RAPGEF1: variants seen among roughly 807,000 people sequenced by gnomAD.
RAPGEF1 encodes the protein CRK SH3-binding GNRP.
In RAPGEF1, 33 loss-of-function variants were observed where a neutral mutation model predicts 143.3. That is an observed-to-expected ratio of 0.23 (90% confidence interval 0.17 to 0.31). The LOEUF is 0.31. RAPGEF1 is among the 10% of genes least tolerant of loss of function. The pLI is 1.00. For missense variants in RAPGEF1, 1,199 were observed against 1,645.4 expected (o/e 0.73, Z 4.69); for synonymous variants, 629 against 676.5 (o/e 0.93, Z 1.09).
In RAPGEF1 at chr9:131,598,528, C is replaced by A. The variant is rs527975766; in HGVS notation, c.2502-218G>T. 5.8e-6 allele frequency: 4 copies of A among 686,156 alleles called. No individual in the cohort carries two copies. The East Asian group carries it at 8.4e-5, about 14-fold the overall frequency. The allele number at this position is 686,156 out of a possible 1,614,324, so 42.5% of individuals were successfully genotyped here. The stretch of plus-strand genomic sequence containing the variant: ...GCTGCCTCTGGATGTTCCATCTGTA[C>A]ACGGAAGTGATTCCGCTGGGAAAAT... On this transcript the variant is annotated intron_variant, in intron 15 of 26. Transcript: ENST00000683357.
In RAPGEF1 at chr9:131,688,893, G is replaced by A. The variant is rs746803875; in HGVS notation, c.62-37944C>T. 5.3e-5 allele frequency among the ~76,000 whole-genome samples: 8 copies of A among 152,154 alleles called. No individual in the cohort carries two copies. In the South Asian group the frequency reaches 8.3e-4, roughly 16 times the overall value. On this transcript the variant is annotated intron_variant, in intron 1 of 26. Transcript: ENST00000683357. ...AGCCTGGGCCATAGAACGAAACTTC[G>A]TCTCAAAATAAAAATAAAAAACAAG... is the stretch of plus-strand genomic sequence containing the variant.
At chr9:131,687,475 G>A (rs934384944) in intron 1 of RAPGEF1, among the ~76,000 whole-genome samples, 3 of 150,390 alleles carry the variant, frequency 2.0e-5, no homozygotes, top group South Asian at 2.1e-4. Context: ...GATTACAGGC[G>A]TGAGCCATCG....
At chr9:131,624,466 T>C (rs949896985) in intron 10 of RAPGEF1, among the ~76,000 whole-genome samples, 16 of 152,184 alleles carry the variant, frequency 1.1e-4, no homozygotes, top group African/African-American at 3.6e-4. Flanking sequence ...TGGCTACCCC[T>C]CCCTTTCCTT....
chr9:131,593,939 C>T (rs923307932), intron 17 of RAPGEF1, among the ~76,000 whole-genome samples: 4 of 152,232 alleles, frequency 2.6e-5, no homozygotes, highest in Non-Finnish European at 2.9e-5. Context: ...ATGACAACTT[C>T]GTGGGACTCG....
intron 1 of RAPGEF1, among the ~76,000 whole-genome samples, chr9:131,657,920 ACGC>A (rs1972944278): frequency 6.6e-6 from 1 of 152,208 alleles, no homozygotes; most frequent in Admixed American, 6.5e-5. Context: ...AAAGATTCTC[ACGC>A]TCTTGTTTTT....
At chr9:131,708,884 C>G (rs1341414643) in intron 1 of RAPGEF1, among the ~76,000 whole-genome samples, 4 of 152,118 alleles carry the variant, frequency 2.6e-5, no homozygotes, top group African/African-American at 7.2e-5. Context: ...AGGTGCCCAC[C>G]ACCAGGCCTG....
intron 1 of RAPGEF1, among the ~76,000 whole-genome samples, chr9:131,672,480 G>A (rs1455832593): frequency 6.6e-6 from 1 of 152,186 alleles, no homozygotes; most frequent in East Asian, 1.9e-4. Context: ...GATGAACTGG[G>A]GTCTCTGGGG....
At chr9:131,597,180 C>T (rs1588296756) in intron 16 of RAPGEF1, among the ~76,000 whole-genome samples, 2 of 152,222 alleles carry the variant, frequency 1.3e-5, no homozygotes, top group South Asian at 2.1e-4. Context: ...CTCTCAGCTG[C>T]GGTACACACT....
chr9:131,582,691 C>A lies in RAPGEF1; in HGVS notation c.3426G>T (p.Glu1142Asp). 2 of 1,559,102 alleles carry A rather than the reference C, an allele frequency of 1.3e-6. 1 individual carries two copies. Among genetic ancestry groups the A allele is most frequent in the South Asian group, 2.4e-5 (2 of 82,800 alleles). ...WQKQTSEGLA[E>D]YCTLIDSSSS... is the part of the protein sequence containing the mutation. ...ACGAGCTGTCGATCAGTGTGCAGTA[C>A]TCGGCCAGGCCCTGGCAGGACAGGA... Residue 1142 changes from glutamate to aspartate, a missense_variant, in exon 25 of 27, where the codon GAG becomes GAT. Glu to Asp is a conservative substitution (Grantham distance 45, BLOSUM62 2). Around this residue, in one of 6 missense-constraint regions of RAPGEF1, gnomAD observed 209 missense variants for 403.0 expected, o/e 0.52. Coordinates refer to ENST00000683357, the MANE Select transcript of RAPGEF1 (RefSeq NM_001377935.1).
At chr9:131,727,737 C>T (rs1836770463) in intron 1 of RAPGEF1, among the ~76,000 whole-genome samples, 1 of 152,200 alleles carries the variant, frequency 6.6e-6, no homozygotes, top group Non-Finnish European at 1.5e-5. Context: ...CCAATTCTTA[C>T]TTGTCAAATA....
At chr9:131,586,668 ACC>A (rs1285819183) in intron 22 of RAPGEF1, among the ~76,000 whole-genome samples, 2 of 82,308 alleles carry the variant, frequency 2.4e-5, no homozygotes, top group Non-Finnish European at 2.3e-5. Flanking sequence ...ACACACACAC[ACC>A]CCTGCAGAGT....
intron 15 of RAPGEF1, chr9:131,598,543 G>A (rs1199844588): frequency 7.5e-6 from 5 of 665,618 alleles, no homozygotes; most frequent in Middle Eastern, 2.4e-4. Context: ...AAGTGATTCC[G>A]CTGGGAAAAT....
chr9:131,652,088 A>C (rs535678978), intron 1 of RAPGEF1, among the ~76,000 whole-genome samples: 1 of 152,350 alleles, frequency 6.6e-6, no homozygotes, highest in Admixed American at 6.5e-5. Context: ...CAGGGAGTAA[A>C]TGTGAAGGTC....
At chr9:131,701,092 A>G (rs1040660319) in intron 1 of RAPGEF1, among the ~76,000 whole-genome samples, 1 of 152,202 alleles carries the variant, frequency 6.6e-6, no homozygotes, top group Non-Finnish European at 1.5e-5. Flanking sequence ...GTGCCTTAGA[A>G]GCAATCAGTG....
chr9:131,725,818 G>A (rs1253538183), intron 1 of RAPGEF1, among the ~76,000 whole-genome samples: 1 of 150,360 alleles, frequency 6.7e-6, no homozygotes, highest in Non-Finnish European at 1.5e-5. Flanking sequence ...GAGTGCAGTG[G>A]CGTGATCTCG....
intron 1 of RAPGEF1, among the ~76,000 whole-genome samples, chr9:131,692,075 A>G (rs1833822449): frequency 1.3e-5 from 2 of 152,252 alleles, no homozygotes. Flanking sequence ...ATAGTTGGAA[A>G]TATCAGTTTG....
chr9:131,690,869 C>T (rs768145136), intron 1 of RAPGEF1, among the ~76,000 whole-genome samples: 2 of 152,194 alleles, frequency 1.3e-5, no homozygotes, highest in African/African-American at 4.8e-5. Context: ...TTATCAAGGT[C>T]ATTTTAAGTC....
chr9:131,735,312 C>T (rs1301450526), intron 1 of RAPGEF1, among the ~76,000 whole-genome samples: 2 of 152,190 alleles, frequency 1.3e-5, no homozygotes, highest in African/African-American at 2.4e-5. Flanking sequence ...GAGACTGGTC[C>T]CCTACCCCAC....
Position 131,655,745 on chromosome 9 carries a change from CCTGG to C in RAPGEF1, c.62-4800_62-4797del, listed in dbSNP as rs1158207936. On this transcript the variant is annotated intron_variant, in intron 1 of 26. Transcript: ENST00000683357. The surrounding 1 kb of genome is among the most constrained non-coding windows in gnomAD (Gnocchi z 4.1). ...TCCAGCCTGGGCGACTGCCACCACG[CCTGG>C]CTAATTTTTTTGTATTTTTAGTAGA... 6.6e-6 allele frequency among the ~76,000 whole-genome samples: 1 copy of C among 152,146 alleles called. No individual in the cohort carries two copies. Among genetic ancestry groups the C allele is most frequent in the Non-Finnish European group, 1.5e-5 (1 of 68,040 alleles).
Sources: gnomAD v4.1 joint callset for allele counts (sites outside exome capture counted in the v4.1 genomes callset) on GRCh38, gnomAD v4.1.1 for gene constraint, gnomAD v4.1.1 regional missense constraint, Gnocchi (gnomAD v3.1) non-coding constraint, MANE v1.5 for transcripts, NCBI Gene and HGNC (gene_info 2026-07-23, HGNC 2026-07-21) for gene names.